Variants in RABGAP1L observed in about 807,000 individuals in gnomAD.
RABGAP1L encodes the protein RAB GTPase activating protein 1 like, also known as rab GTPase-activating protein 1-like.
In RABGAP1L, 63 loss-of-function variants were observed where a neutral mutation model predicts 137.7. That is an observed-to-expected ratio of 0.46 (90% CI 0.37 to 0.56). The LOEUF is 0.56. Among genes scored for constraint, RABGAP1L ranks in the 20% least tolerant of loss-of-function variants. The pLI is 0.00. For synonymous variants in RABGAP1L, 431 were observed against 433.7 expected (o/e 0.99, Z 0.08); for missense variants, 1,095 against 1,244.0 (o/e 0.88, Z 1.80).
At chr1:174,522,332 C>G (rs181133135) in intron 13 of RABGAP1L, among the ~76,000 whole-genome samples, 47 of 152,160 alleles carry the variant, frequency 3.1e-4, no homozygotes, top group Admixed American at 2.9e-3. Flanking sequence ...AATCCTAACA[C>G]TTTGGGAAGC....
chr1:174,853,863 C>G (rs534977233), intron 19 of RABGAP1L, among the ~76,000 whole-genome samples: 1 of 152,292 alleles, frequency 6.6e-6, no homozygotes, highest in East Asian at 1.9e-4. Flanking sequence ...CAGATCACCT[C>G]AAAGTCATGT....
At chr1:174,189,069 G>A (rs1212524501) in intron 1 of RABGAP1L, among the ~76,000 whole-genome samples, 6 of 152,154 alleles carry the variant, frequency 3.9e-5, no homozygotes, top group South Asian at 2.1e-4. Flanking sequence ...GCAGTGGTGT[G>A]ATCTTGGGTC....
chr1:174,712,273 C>G (rs762225664), intron 17 of RABGAP1L, among the ~76,000 whole-genome samples: 8 of 152,160 alleles, frequency 5.3e-5, no homozygotes, highest in Non-Finnish European at 1.0e-4. Context: ...TTCTTTTGCT[C>G]TTTGCAGTAA....
intron 10 of RABGAP1L, among the ~76,000 whole-genome samples, chr1:174,282,411 T>C (rs1302856678): frequency 2.6e-5 from 4 of 152,202 alleles, no homozygotes; most frequent in African/African-American, 4.8e-5. Flanking sequence ...TTTTTTCTTA[T>C]GGTTATTAAT....
At chr1:174,939,248 A>G (rs1482738776) in intron 19 of RABGAP1L, among the ~76,000 whole-genome samples, 3 of 152,184 alleles carry the variant, frequency 2.0e-5, no homozygotes, top group African/African-American at 7.2e-5. Context: ...TGTTTGTTCT[A>G]TCCAAGATTA....
intron 13 of RABGAP1L, among the ~76,000 whole-genome samples, chr1:174,458,451 C>G (rs1656292209): frequency 6.6e-6 from 1 of 151,878 alleles, no homozygotes; most frequent in African/African-American, 2.4e-5. Context: ...GCTAAAGGAT[C>G]TCATACGAAG....
At chr1:174,411,998 C>A (rs1258458383) in intron 13 of RABGAP1L, among the ~76,000 whole-genome samples, 1 of 152,046 alleles carries the variant, frequency 6.6e-6, no homozygotes, top group African/African-American at 2.4e-5. Flanking sequence ...TTAAGTCCAA[C>A]TGGACAAGTG....
At chr1:174,652,034 G>A (rs1000252819) in intron 14 of RABGAP1L, among the ~76,000 whole-genome samples, 21 of 152,144 alleles carry the variant, frequency 1.4e-4, no homozygotes, top group African/African-American at 5.1e-4. Flanking sequence ...AGGCCTGGTG[G>A]TGACAAAATC....
intron 13 of RABGAP1L, among the ~76,000 whole-genome samples, chr1:174,596,793 C>G (rs1669967017): frequency 6.6e-6 from 1 of 152,094 alleles, no homozygotes; most frequent in Non-Finnish European, 1.5e-5. Flanking sequence ...TGTCTTGTTC[C>G]AGATCTTGGA....
intron 13 of RABGAP1L, among the ~76,000 whole-genome samples, chr1:174,636,645 G>C (rs1372205991): frequency 6.6e-6 from 1 of 151,794 alleles, no homozygotes; most frequent in Non-Finnish European, 1.5e-5. Context: ...CTTTTTAAAT[G>C]ACCATGGTCT....
chr1:174,769,512 G>A (rs1685944980), intron 18 of RABGAP1L, among the ~76,000 whole-genome samples: 1 of 152,154 alleles, frequency 6.6e-6, no homozygotes, highest in Admixed American at 6.5e-5. Flanking sequence ...AAGAATTCAA[G>A]CTCCTCTATC....
chr1:174,632,124 AAAGTAT>A (rs1673447849), intron 13 of RABGAP1L, among the ~76,000 whole-genome samples: 2 of 127,444 alleles, frequency 1.6e-5, no homozygotes, highest in African/African-American at 6.2e-5. Flanking sequence ...GCTTGTCTGT[AAAGTAT>A]TTTATTTCTC....
intron 13 of RABGAP1L, among the ~76,000 whole-genome samples, chr1:174,398,904 C>T (rs903054411): frequency 6.6e-6 from 1 of 152,136 alleles, no homozygotes; most frequent in African/African-American, 2.4e-5. Flanking sequence ...TATTTTAGAA[C>T]TGTAAATATT....
rs187340995 is a variant in RABGAP1L, at chr1:174,808,327, G to T, written c.2212-3505G>T. Among the ~76,000 whole-genome samples, 4 of 152,080 alleles carry T rather than the reference G, an allele frequency of 2.6e-5. No homozygotes were observed. The East Asian group carries it at 5.8e-4, about 22-fold the overall frequency. On this transcript the variant is annotated intron_variant, in intron 18 of 25. Coordinates refer to ENST00000681986, the MANE Select transcript of RABGAP1L (RefSeq NM_001366446.1). ...AAACGTAGCTGGCATGGTGGCACACGCATGTAGTCCTGGCTACTCGGGAGC... is the reference window on the plus strand; with the variant it reads ...AAACGTAGCTGGCATGGTGGCACACTCATGTAGTCCTGGCTACTCGGGAGC...
At chr1:174,568,290 C>G (rs948897289) in intron 13 of RABGAP1L, among the ~76,000 whole-genome samples, 1 of 152,154 alleles carries the variant, frequency 6.6e-6, no homozygotes, top group African/African-American at 2.4e-5. Context: ...CCCCCCATGA[C>G]CCAGTACCTC....
intron 10 of RABGAP1L, among the ~76,000 whole-genome samples, chr1:174,281,008 C>A (rs1675479700): frequency 6.6e-6 from 1 of 151,292 alleles, no homozygotes; most frequent in Admixed American, 6.6e-5. Flanking sequence ...TTAAAGGTGG[C>A]GTGTCTGGAG....
At chr1:174,177,491 CCCA>C (rs2148271964) in intron 1 of RABGAP1L, among the ~76,000 whole-genome samples, 1 of 152,250 alleles carries the variant, frequency 6.6e-6, no homozygotes, top group East Asian at 1.9e-4. Flanking sequence ...TTAATTAGAT[CCCA>C]TTTGTCAATT....
chr1:174,458,397 C>T (rs1352835237), intron 13 of RABGAP1L, among the ~76,000 whole-genome samples: 2 of 151,490 alleles, frequency 1.3e-5, no homozygotes, highest in Non-Finnish European at 2.9e-5. Context: ...CATTATAATG[C>T]CCTTTGTATG....
At chr1:174,239,747 T>C (rs1242088718) in intron 4 of RABGAP1L, among the ~76,000 whole-genome samples, 1 of 152,214 alleles carries the variant, frequency 6.6e-6, no homozygotes, top group Non-Finnish European at 1.5e-5. Flanking sequence ...AGCAAATATT[T>C]GCTGAATGAA....
Sources: gnomAD v4.1 joint callset for allele counts (sites outside exome capture counted in the v4.1 genomes callset) on GRCh38, gnomAD v4.1.1 for gene constraint, MANE v1.5 for transcripts, NCBI Gene and HGNC (gene_info 2026-07-23, HGNC 2026-07-21) for gene names.